Variants in SLFN12 observed in about 807,000 individuals in gnomAD.
SLFN12 encodes schlafen family member 12.
A neutral mutation model predicts 29.1 loss-of-function variants in SLFN12; 25 were observed. The observed-to-expected ratio is 0.86, with a 90% confidence interval of 0.63 to 1.20. SLFN12 has a LOEUF of 1.20. Among genes scored for constraint, SLFN12 ranks in the 50% most tolerant of loss-of-function variants. The probability of loss-of-function intolerance (pLI) is 0.00; values close to 1 mark genes in which losing one functional copy is unlikely to be tolerated. For missense variants in SLFN12, 660 were observed against 666.2 expected (o/e 0.99, Z 0.10); for synonymous variants, 257 against 238.7 (o/e 1.08, Z -0.71).
chr17:35,428,063 G>A (rs920568370), intron 1 of SLFN12, among the ~76,000 whole-genome samples: 1 of 152,074 alleles, frequency 6.6e-6, no homozygotes, highest in Non-Finnish European at 1.5e-5. Context: ...AAGGTTCATG[G>A]TGAAACATAA....
chr17:35,425,743 A>G (rs906388848), intron 1 of SLFN12, among the ~76,000 whole-genome samples: 3 of 151,230 alleles, frequency 2.0e-5, no homozygotes, highest in South Asian at 2.1e-4. Flanking sequence ...GAGTACAGAT[A>G]TCTCTTTGAT....
At chr17:35,432,620 G>T (rs777088016), upstream of SLFN12, 1 of 152,168 alleles carries the variant, frequency 6.6e-6, no homozygotes, top group African/African-American at 2.4e-5. Context: ...AGACCAGTCT[G>T]ATTGGTTGCG....
intron 1 of SLFN12, 68 bp from the exon 2 acceptor site, chr17:35,423,136 G>T: frequency 6.8e-7 from 1 of 1,479,556 alleles, no homozygotes; most frequent in Non-Finnish European, 8.9e-7. Context: ...GTATTATGAG[G>T]CAAATGCAAA....
chr17:35,426,140 G>GT (rs149680172), intron 1 of SLFN12, among the ~76,000 whole-genome samples: 19,952 of 148,556 alleles, frequency 0.13, 1,851 homozygotes, highest in South Asian at 0.27. Context: ...TTTTTAATCT[G>GT]TTTTTTTTTC....
At chr17:35,413,498 A>C (rs1911150690) in intron 3 of SLFN12, among the ~76,000 whole-genome samples, 1 of 152,146 alleles carries the variant, frequency 6.6e-6, no homozygotes, top group African/African-American at 2.4e-5. Flanking sequence ...CTGTAATCCC[A>C]GCACTTTGGG....
intron 1 of SLFN12, among the ~76,000 whole-genome samples, chr17:35,428,240 C>T (rs991522935): frequency 5.3e-5 from 8 of 152,022 alleles, no homozygotes; most frequent in African/African-American, 1.9e-4. Flanking sequence ...CAAATACTTT[C>T]CCAAATAATT....
intron 3 of SLFN12, among the ~76,000 whole-genome samples, chr17:35,415,788 GAAAATT>G (rs895613179): frequency 6.6e-6 from 1 of 152,106 alleles, no homozygotes; most frequent in Non-Finnish European, 1.5e-5. Context: ...TCATGGAAAT[GAAAATT>G]AAGTCCACAA....
At chr17:35,428,316 G>T (rs1474094755) in intron 1 of SLFN12, among the ~76,000 whole-genome samples, 2 of 151,834 alleles carry the variant, frequency 1.3e-5, no homozygotes, top group African/African-American at 4.8e-5. Flanking sequence ...TGAACCTTTT[G>T]GGGGGAAGAG....
intron 3 of SLFN12, among the ~76,000 whole-genome samples, chr17:35,414,729 G>C (rs1911220292): frequency 6.6e-6 from 1 of 151,994 alleles, no homozygotes; most frequent in South Asian, 2.1e-4. Context: ...GAGTGACCAA[G>C]CTGAGAATCA....
rs376465088 is a variant in SLFN12, at chr17:35,420,995, G to T, written c.1040-614C>A. On this transcript the variant is annotated intron_variant, in intron 2 of 3. Transcript: ENST00000304905. Reference sequence around the variant, plus strand: ...GGCCGAGGCGGGTGAATTGCCTGAGGTCAAGAGTTCGAGACCAGCCTGGCC... The same window carrying T: ...GGCCGAGGCGGGTGAATTGCCTGAGTTCAAGAGTTCGAGACCAGCCTGGCC... Among the ~76,000 whole-genome samples, 5 of 151,868 alleles carry T rather than the reference G, an allele frequency of 3.3e-5. No individual in the cohort carries two copies. The East Asian group carries it at 9.6e-4, about 29-fold the overall frequency.
At position 35,420,356 on chromosome 17, in the gene SLFN12, C is replaced by A. The variant is rs745851173; in HGVS notation, c.1065G>T (p.Val355=). 3 of 1,613,430 alleles carry A rather than the reference C, an allele frequency of 1.9e-6. No homozygotes were observed. The Admixed American group carries it at 5.0e-5, about 27-fold the overall frequency. The change falls in exon 3 of 4, where the codon GTG becomes GTT. Residue 355 remains valine, a synonymous_variant. Coordinates refer to ENST00000304905, the MANE Select transcript of SLFN12 (RefSeq NM_018042.5). ...GTAATGACGTATTTATTTGAGAGAT[C>A]ACCTCTTCATATGAACTGGAAAATT... ...EPKFSSSYEE[V]ISQINTSLPA...
At position 35,411,352 on chromosome 17, in the gene SLFN12, G is replaced by T; in HGVS notation, c.1723C>A (p.Arg575=). Residue 575 remains arginine, a synonymous_variant, in exon 4 of 4, where the codon CGA becomes AGA. Transcript: ENST00000304905. ...KNDKKMFKSC[R]RLT ...TCCATTTTCCATCAGGTGAGCCTTC[G>T]ACAAGATTTAAACATCTTTTTATCA... 1 of 1,543,722 alleles carries T rather than the reference G, an allele frequency of 6.5e-7. No homozygotes were observed. The highest frequency in any genetic ancestry group is 1.3e-5 in the South Asian group (1 of 79,770).
intron 1 of SLFN12, among the ~76,000 whole-genome samples, chr17:35,428,506 A>G (rs919463303): frequency 6.6e-6 from 1 of 152,154 alleles, no homozygotes; most frequent in African/African-American, 2.4e-5. Flanking sequence ...GCTATTAGAA[A>G]GCAGCATCTT....
chr17:35,429,897 C>T (rs964365530), intron 1 of SLFN12, among the ~76,000 whole-genome samples: 6 of 151,976 alleles, frequency 3.9e-5, no homozygotes, highest in African/African-American at 1.4e-4. Flanking sequence ...TATTCCCCAA[C>T]TCCCTGCATG....
chr17:35,415,057 G>T (rs914507839), intron 3 of SLFN12, among the ~76,000 whole-genome samples: 8 of 151,908 alleles, frequency 5.3e-5, no homozygotes, highest in African/African-American at 1.9e-4. Context: ...CATAGCAAAA[G>T]CAAGACTAAG....
intron 3 of SLFN12, among the ~76,000 whole-genome samples, chr17:35,417,492 A>C (rs191621627): frequency 1.2e-4 from 18 of 152,224 alleles, no homozygotes; most frequent in Admixed American, 5.2e-4. Flanking sequence ...ACATGTGCAC[A>C]ATGCACAGGT....
intron 3 of SLFN12, among the ~76,000 whole-genome samples, chr17:35,413,623 C>G (rs887814538): frequency 6.6e-6 from 1 of 151,768 alleles, no homozygotes; most frequent in Non-Finnish European, 1.5e-5. Context: ...GTGGCAGGCA[C>G]CTGTAATCCC....
chr17:35,423,329 G>A (rs1911818543), intron 1 of SLFN12, among the ~76,000 whole-genome samples: 1 of 151,892 alleles, frequency 6.6e-6, no homozygotes, highest in Admixed American at 6.5e-5. Context: ...CTCCTTTCTA[G>A]TCCCTAATAT....
At chr17:35,431,268 G>C (rs1306491830) in intron 1 of SLFN12, among the ~76,000 whole-genome samples, 1 of 152,080 alleles carries the variant, frequency 6.6e-6, no homozygotes, top group Non-Finnish European at 1.5e-5. Context: ...ATGGCAGTTT[G>C]ATTTTTAAAG....
Sources: gnomAD v4.1 joint callset for allele counts (sites outside exome capture counted in the v4.1 genomes callset) on GRCh38, gnomAD v4.1.1 for gene constraint, MANE v1.5 for transcripts, NCBI Gene and HGNC (gene_info 2026-07-23, HGNC 2026-07-21) for gene names.